The following CCDC117 variants were observed in gnomAD, a reference collection of about 807,000 sequenced individuals.
CCDC117 encodes the protein coiled-coil domain-containing protein 117.
Under a neutral mutation model 23.5 loss-of-function variants are expected in CCDC117, and 1 was observed. The observed-to-expected ratio is 0.04, with a 90% CI of 0.02 to 0.20. The LOEUF (loss-of-function observed/expected upper bound fraction) is 0.20, where lower values mean the gene tolerates loss of function less well. CCDC117 is among the 10% of genes least tolerant of loss of function. The pLI is 1.00. For synonymous variants in CCDC117, 132 were observed against 124.8 expected (o/e 1.06, Z -0.39); for missense variants, 383 against 348.2 (o/e 1.10, Z -0.80).
chr22:28,772,843 G>A lies in CCDC117; in HGVS notation c.-7G>A, dbSNP rs969886550. 3 of 1,226,414 alleles carry A rather than the reference G, an allele frequency of 2.4e-6. No homozygotes were observed. Among genetic ancestry groups the A allele is most frequent in the African/African-American group, 1.6e-5 (1 of 63,996 alleles). 76.0% of individuals were successfully genotyped at this position (1,226,414 alleles called of 1,614,324 possible). A position where few individuals can be genotyped will look rare whatever the true frequency, so the allele number is the denominator to read the frequency against. On this transcript the variant is annotated 5_prime_UTR_variant, in exon 1 of 5. Transcript: ENST00000249064. ...GCCGCCGTCGCAGCCTCCTCGTCTC[G>A]CCGGCTATGGCTGCGCTCGGCCGGC...
chr22:28,773,048 CGGGCGCA>C lies in CCDC117; in HGVS notation c.185+27_185+33del, dbSNP rs1280042721. The C allele has an allele frequency of 1.1e-4, 72 of 662,774 alleles. No homozygotes were observed. Among genetic ancestry groups the C allele is most frequent in the African/African-American group, 2.4e-4 (12 of 50,588 alleles). The allele number at this position is 662,774 out of a possible 1,614,324, so 41.1% of individuals were successfully genotyped here. A position where few individuals can be genotyped will look rare whatever the true frequency, so the allele number is the denominator to read the frequency against. ...GGCGCGCGGACGGTGAGGAGCCCGT[CGGGCGCA>C]GGGCGCAGGGCGGGCGGGCGGGCGG... On this transcript the variant is annotated intron_variant, in intron 1 of 4. Coordinates refer to ENST00000249064, the MANE Select transcript of CCDC117 (RefSeq NM_173510.4).
At position 28,772,708 on chromosome 22, in the gene CCDC117, T is replaced by G; in HGVS notation, c.-142T>G. The G allele has an allele frequency of 1.0e-5, 6 of 575,028 alleles. No individual in the cohort carries two copies. The highest frequency in any genetic ancestry group is 9.1e-5 in the South Asian group (1 of 11,000). 35.6% of individuals were successfully genotyped at this position (575,028 alleles called of 1,614,324 possible). A position where few individuals can be genotyped will look rare whatever the true frequency, so the allele number is the denominator to read the frequency against. ...CGGCATGCCCCCGAGCGGCCTGAGG[T>G]GGAGGGTTCTAGAAGGCGTGACGTG... On this transcript the variant is annotated 5_prime_UTR_variant, in exon 1 of 5. Coordinates refer to ENST00000249064, the MANE Select transcript of CCDC117 (RefSeq NM_173510.4).
intron 3 of CCDC117, among the ~76,000 whole-genome samples, chr22:28,782,438 A>G (rs1006239259): frequency 6.7e-6 from 1 of 148,854 alleles, no homozygotes; most frequent in Non-Finnish European, 1.5e-5. Flanking sequence ...TTTTTTTTGT[A>G]TTTTTATTTT....
chr22:28,774,087 G>A (rs1226976167), intron 2 of CCDC117, among the ~76,000 whole-genome samples: 2 of 139,626 alleles, frequency 1.4e-5, no homozygotes, highest in African/African-American at 5.3e-5. Context: ...TTTTTTTTTG[G>A]GACGGAGTCT....
chr22:28,775,759 CG>C (rs1261457625), intron 2 of CCDC117, among the ~76,000 whole-genome samples: 6 of 151,728 alleles, frequency 4.0e-5, no homozygotes, highest in African/African-American at 1.5e-4. Context: ...TAGCCAGGTG[CG>C]GTGGCAGGTG....
In CCDC117 at chr22:28,788,300, C is replaced by T. The variant is rs1332430926; in HGVS notation, c.*1974C>T. The T allele has an allele frequency of 3.9e-5, 6 of 152,608 alleles. No individual in the cohort carries two copies. Among genetic ancestry groups the T allele is most frequent in the Admixed American group, 3.9e-4 (6 of 15,276 alleles). The allele number at this position is 152,608 out of a possible 1,614,324, so 9.5% of individuals were successfully genotyped here. A position where few individuals can be genotyped will look rare whatever the true frequency, so the allele number is the denominator to read the frequency against. Reference sequence around the variant, plus strand: ...TGTAAAGTATGAGCCTTAAATAAATCTCCATGCTGAAAAATGTGTTCTAAT... The same window carrying T: ...TGTAAAGTATGAGCCTTAAATAAATTTCCATGCTGAAAAATGTGTTCTAAT... On this transcript the variant is annotated 3_prime_UTR_variant, in exon 5 of 5. Transcript: ENST00000249064.
chr22:28,785,984 C>A, intron 4 of CCDC117, 105 bp from the exon 5 acceptor site: 1 of 724,990 alleles, frequency 1.4e-6, no homozygotes, highest in Non-Finnish European at 2.3e-6. Context: ...TCCTGTTTTG[C>A]TATCATCAGT....
intron 3 of CCDC117, among the ~76,000 whole-genome samples, chr22:28,782,436 GTATTTT>G (rs952268046): frequency 2.2e-4 from 33 of 150,884 alleles, no homozygotes; most frequent in African/African-American, 7.5e-4. Flanking sequence ...ATTTTTTTTT[GTATTTT>G]TATTTTTATT....
intron 3 of CCDC117, among the ~76,000 whole-genome samples, chr22:28,782,650 G>A (rs2031384835): frequency 1.3e-5 from 2 of 152,176 alleles, no homozygotes; most frequent in African/African-American, 4.8e-5. Flanking sequence ...CGTTGGCCAG[G>A]CTGGTCTCGA....
chr22:28,773,579 C>T, intron 1 of CCDC117, 146 bp from the exon 2 acceptor site: 4 of 667,048 alleles, frequency 6.0e-6, no homozygotes, highest in Non-Finnish European at 8.3e-6. Context: ...ACCCGACTGA[C>T]CTGTGATTTG....
In CCDC117 at chr22:28,773,129, G is replaced by A. The variant is rs2031047005; in HGVS notation, c.185+95G>A. On this transcript the variant is annotated intron_variant, in intron 1 of 4. Coordinates refer to ENST00000249064, the MANE Select transcript of CCDC117 (RefSeq NM_173510.4). ...GGGCGCGGGCAGGGGCGCGGGCTCC[G>A]CGCCGGGGCTTTTTGACTCCCTCCC... is the stretch of plus-strand genomic sequence containing the variant. 4 of 534,840 alleles carry A rather than the reference G, an allele frequency of 7.5e-6. No individual in the cohort carries two copies. In the African/African-American group the frequency reaches 8.5e-5, roughly 11 times the overall value. The allele number at this position is 534,840 out of a possible 1,614,324, so 33.1% of individuals were successfully genotyped here.
At chr22:28,777,034 GT>G (rs573843364) in intron 2 of CCDC117, among the ~76,000 whole-genome samples, 28,510 of 128,166 alleles carry the variant, frequency 0.22, 2,887 homozygotes, top group East Asian at 0.42. Flanking sequence ...TACTGTAGCT[GT>G]TTTTTTTTTT....
At position 28,773,711 on chromosome 22, in the gene CCDC117, G is replaced by T. The variant is rs752803160; in HGVS notation, c.186-14G>T. The T allele has an allele frequency of 4.2e-5, 67 of 1,609,732 alleles. No individual in the cohort carries two copies. The highest frequency in any genetic ancestry group is 5.4e-5 in the Non-Finnish European group (63 of 1,176,180). ...TACATTTCTTAATTGACTGATTTTT[G>T]TTTGTTTCAACAGTGTTTCTGTTCA... On this transcript the variant is annotated splice_polypyrimidine_tract_variant and intron_variant, in intron 1 of 4. Transcript: ENST00000249064.
intron 2 of CCDC117, among the ~76,000 whole-genome samples, chr22:28,776,954 A>G (rs1490917979): frequency 1.3e-5 from 2 of 151,610 alleles, no homozygotes; most frequent in Non-Finnish European, 2.9e-5. Flanking sequence ...TCATGACTTC[A>G]AGTAATCTGC....
At chr22:28,774,701 C>A (rs1013219289) in intron 2 of CCDC117, among the ~76,000 whole-genome samples, 1 of 152,136 alleles carries the variant, frequency 6.6e-6, no homozygotes, top group African/African-American at 2.4e-5. Context: ...GTTTTCCCCA[C>A]CAGAGACAAC....
Position 28,781,152 on chromosome 22 carries a change from G to T in CCDC117, c.444G>T (p.Lys148Asn). The change falls in exon 3 of 5, where the codon AAG becomes AAT. Residue 148 changes from lysine (K) to asparagine (N), a missense_variant. Transcript: ENST00000249064. ...CACAGTGTGAAGTTGCCCGAAGGAA[G>T]CTTCAGGAGATTGAGGACAGGTAAA... The part of the protein sequence containing the change: ...GEPQCEVARR[K>N]LQEIEDRIID... The T allele has an allele frequency of 6.2e-7, 1 of 1,612,868 alleles. No homozygotes were observed. The highest frequency in any genetic ancestry group is 8.5e-7 in the Non-Finnish European group (1 of 1,179,088).
intron 2 of CCDC117, among the ~76,000 whole-genome samples, chr22:28,776,968 C>T (rs1272719875): frequency 6.6e-6 from 1 of 151,868 alleles, no homozygotes; most frequent in Non-Finnish European, 1.5e-5. Context: ...AATCTGCCCG[C>T]CTTGGCCTTC....
intron 2 of CCDC117, among the ~76,000 whole-genome samples, chr22:28,774,070 G>GTTTTTT (rs67314143): frequency 1.6e-5 from 2 of 126,094 alleles, no homozygotes; most frequent in African/African-American, 5.8e-5. Flanking sequence ...TTTTGTTTTT[G>GTTTTTT]TTTTTTTTTT....
intron 2 of CCDC117, among the ~76,000 whole-genome samples, chr22:28,778,478 C>T (rs1012031672): frequency 6.6e-6 from 1 of 151,868 alleles, no homozygotes; most frequent in African/African-American, 2.4e-5. Flanking sequence ...CGTGGTGGTG[C>T]GCACCTGTAG....
Sources: gnomAD v4.1 joint callset for allele counts (sites outside exome capture counted in the v4.1 genomes callset) on GRCh38, gnomAD v4.1.1 for gene constraint, MANE v1.5 for transcripts, NCBI Gene and HGNC (gene_info 2026-07-23, HGNC 2026-07-21) for gene names.